Variants in SLC8A1 observed in about 807,000 individuals in gnomAD.
SLC8A1 encodes the protein sodium/calcium exchanger 1.
In SLC8A1, 18 loss-of-function variants were observed where a neutral mutation model predicts 68.3. The ratio of observed to expected loss-of-function variants is 0.26; its 90% CI spans 0.18 to 0.39. The LOEUF is 0.39. SLC8A1 is among the 10% of genes least tolerant of loss of function. The probability of loss-of-function intolerance (pLI) is 1.00; values close to 1 mark genes in which losing one functional copy is unlikely to be tolerated. For missense variants in SLC8A1, 985 were observed against 1,156.7 expected (o/e 0.85, Z 2.15); for synonymous variants, 475 against 415.5 (o/e 1.14, Z -1.74).
At chr2:40,429,961 G>A in exon 2 of SLC8A1, 1 of 1,613,684 alleles carries the variant, frequency 6.2e-7, no homozygotes, top group Non-Finnish European at 8.5e-7. Context: ...TTCTTGAGAT[G>A]TGATGACTTC....
chr2:40,259,490 T>A (rs1426383501), intron 2 of SLC8A1, among the ~76,000 whole-genome samples: 1 of 152,158 alleles, frequency 6.6e-6, no homozygotes, highest in Non-Finnish European at 1.5e-5. Flanking sequence ...TTTTTCTTTT[T>A]TAATTTTTAA....
In SLC8A1 at chr2:40,425,611, A is replaced by G. The variant is rs114472616; in HGVS notation, c.1808+2862T>C. On this transcript the variant is annotated intron_variant, in intron 2 of 7. Transcript: ENST00000406785. ...ATAAAGCTTGGTGGCGCCATCAGCC[A>G]TGTTTAAGTACTGTAGGTTTTGAAG... Among the ~76,000 whole-genome samples, 1,139 of 151,892 alleles carry G rather than the reference A, an allele frequency of 7.5e-3. 13 individuals are homozygous for G. The highest frequency in any genetic ancestry group is 0.026 in the African/African-American group (1,081 of 41,504).
intron 1 of SLC8A1, among the ~76,000 whole-genome samples, chr2:40,436,625 G>C (rs772749813): frequency 6.6e-6 from 1 of 152,072 alleles, no homozygotes; most frequent in South Asian, 2.1e-4. Context: ...ACTCAAGGAA[G>C]TACATCTTCC....
chr2:40,408,616 C>T (rs949329165), intron 2 of SLC8A1, among the ~76,000 whole-genome samples: 1 of 152,160 alleles, frequency 6.6e-6, no homozygotes, highest in African/African-American at 2.4e-5. Flanking sequence ...GGTGGCCCAA[C>T]TGTGGGAATT....
At chr2:40,372,577 T>C (rs1330597537) in intron 2 of SLC8A1, among the ~76,000 whole-genome samples, 1 of 151,964 alleles carries the variant, frequency 6.6e-6, no homozygotes, top group Non-Finnish European at 1.5e-5. Flanking sequence ...TTTCTTGTGG[T>C]TGACTTCTTT....
rs1462140994 is a variant in SLC8A1 at position 40,143,595 on chromosome 2, C to G, written c.2162-3919G>C. Among the ~76,000 whole-genome samples the G allele has an allele frequency of 2.6e-5, 4 of 152,164 alleles. No individual in the cohort carries two copies. The East Asian group carries it at 7.7e-4, about 29-fold the overall frequency. ...AATGGCTTCCCTGATACACACTGGA[C>G]TTCTTAAATATAACTACAAAAGTAA... On this transcript the variant is annotated intron_variant, in intron 6 of 7. Coordinates refer to ENST00000406785, the Ensembl canonical transcript of SLC8A1.
At chr2:40,110,362 T>TAA (rs1314391698) in exon 8 of SLC8A1, 3 of 152,110 alleles carry the variant, frequency 2.0e-5, no homozygotes, top group African/African-American at 7.2e-5. Flanking sequence ...GACAACAAGA[T>TAA]GGTTAGAAGT....
chr2:40,313,202 G>T (rs1029695433), intron 2 of SLC8A1, among the ~76,000 whole-genome samples: 1 of 152,012 alleles, frequency 6.6e-6, no homozygotes, highest in African/African-American at 2.4e-5. Flanking sequence ...TTTGGGGAGG[G>T]GAAGGAGGAG....
At chr2:40,448,795 G>C (rs1701909855) in intron 1 of SLC8A1, among the ~76,000 whole-genome samples, 1 of 152,078 alleles carries the variant, frequency 6.6e-6, no homozygotes, top group Non-Finnish European at 1.5e-5. Flanking sequence ...GTGATATTTG[G>C]ATAATATTTT....
intron 2 of SLC8A1, among the ~76,000 whole-genome samples, chr2:40,374,134 G>A (rs1334051169): frequency 6.6e-6 from 1 of 152,068 alleles, no homozygotes; most frequent in East Asian, 1.9e-4. Context: ...GTTACAGAAA[G>A]AGCTCTTTAA....
At chr2:40,501,794 TG>T (rs1250980749) in intron 1 of SLC8A1, among the ~76,000 whole-genome samples, 1 of 152,062 alleles carries the variant, frequency 6.6e-6, no homozygotes, top group Admixed American at 6.6e-5. Flanking sequence ...TTGCCACTTA[TG>T]TGGGACCTGA....
intron 2 of SLC8A1, among the ~76,000 whole-genome samples, chr2:40,390,113 T>C (rs1353866915): frequency 6.6e-6 from 1 of 152,126 alleles, no homozygotes; most frequent in African/African-American, 2.4e-5. Flanking sequence ...AACATTTTAC[T>C]AGAAAATCTG....
chr2:40,120,648 T>C (rs2036571998), intron 7 of SLC8A1: 4 of 152,214 alleles, frequency 2.6e-5, no homozygotes, highest in Non-Finnish European at 5.9e-5. Context: ...TAACTGATGA[T>C]TATAACTATT....
intron 2 of SLC8A1, among the ~76,000 whole-genome samples, chr2:40,305,304 T>A (rs1238488086): frequency 1.3e-5 from 2 of 152,154 alleles, no homozygotes; most frequent in African/African-American, 2.4e-5. Flanking sequence ...GCACTGGATG[T>A]TGAGGGCTGA....
intron 2 of SLC8A1, among the ~76,000 whole-genome samples, chr2:40,242,147 CGT>C (rs957918477): frequency 2.7e-5 from 4 of 150,074 alleles, no homozygotes; most frequent in African/African-American, 7.3e-5. Flanking sequence ...TGTGTGTGTG[CGT>C]GTGTGTGTGT....
intron 1 of SLC8A1, among the ~76,000 whole-genome samples, chr2:40,481,675 A>G (rs1704637702): frequency 6.6e-6 from 1 of 152,152 alleles, no homozygotes; most frequent in African/African-American, 2.4e-5. Context: ...ATAATTTTTT[A>G]TTCCTGAAAA....
At chr2:40,416,598 C>G (rs1559593765) in intron 2 of SLC8A1, among the ~76,000 whole-genome samples, 1 of 152,042 alleles carries the variant, frequency 6.6e-6, no homozygotes. Flanking sequence ...TTATTTACTT[C>G]AATGCCTTAA....
At chr2:40,197,566 G>T (rs982261136) in intron 2 of SLC8A1, among the ~76,000 whole-genome samples, 1 of 151,944 alleles carries the variant, frequency 6.6e-6, no homozygotes, top group Admixed American at 6.6e-5. Context: ...TTTAGCAAAA[G>T]ATCTCTCTTT....
At chr2:40,200,249 T>TATATAAATATATATATATATATAA (rs1553408011) in intron 2 of SLC8A1, among the ~76,000 whole-genome samples, 1 of 26,980 alleles carries the variant, frequency 3.7e-5, no homozygotes, top group African/African-American at 8.8e-5. Context: ...AATATATATA[T>TATATAAATATATATATATATATAA]ATATATATAT....
Sources: gnomAD v4.1 joint callset for allele counts (sites outside exome capture counted in the v4.1 genomes callset) on GRCh38, gnomAD v4.1.1 for gene constraint, MANE v1.5 for transcripts, NCBI Gene and HGNC (gene_info 2026-07-23, HGNC 2026-07-21) for gene names.